Variants in PCDHGA6 observed in about 807,000 individuals in gnomAD.
PCDHGA6 encodes the protein protocadherin gamma subfamily A, 6.
In PCDHGA6, 41 loss-of-function variants were observed where a neutral mutation model predicts 60.6. The observed-to-expected ratio is 0.68, with a 90% CI of 0.53 to 0.88. PCDHGA6 has a LOEUF of 0.88. PCDHGA6 is among the 40% of genes least tolerant of loss of function. The pLI is 0.00. For missense variants in PCDHGA6, 1,312 were observed against 1,203.0 expected (o/e 1.09, Z -1.34); for synonymous variants, 594 against 524.4 (o/e 1.13, Z -1.81).
intron 1 of PCDHGA6, chr5:141,394,762 G>A: frequency 6.2e-7 from 1 of 1,613,396 alleles, no homozygotes; most frequent in Non-Finnish European, 8.5e-7. Flanking sequence ...CAGGACCATG[G>A]CCAGCCCCCT....
At position 141,430,761 on chromosome 5, in the gene PCDHGA6, T is replaced by C. The variant is rs769012885; in HGVS notation, c.2424+54254T>C. The C allele has an allele frequency of 2.0e-6, 3 of 1,506,132 alleles. No individual in the cohort carries two copies. The African/African-American group carries it at 4.2e-5, about 21-fold the overall frequency. The allele number at this position is 1,506,132 out of a possible 1,614,324, so 93.3% of individuals were successfully genotyped here. ...AAATAATTCTGGAGGAAGATAAGAATGATTCCTGCGCGACTGCACCGGGAC... is the reference window on the plus strand; with the variant it reads ...AAATAATTCTGGAGGAAGATAAGAACGATTCCTGCGCGACTGCACCGGGAC... On this transcript the variant is annotated intron_variant, in intron 1 of 3. Coordinates refer to ENST00000517434, the MANE Select transcript of PCDHGA6 (RefSeq NM_018919.3).
chr5:141,443,827 G>A (rs1425599112), intron 1 of PCDHGA6, among the ~76,000 whole-genome samples: 1 of 152,054 alleles, frequency 6.6e-6, no homozygotes, highest in African/African-American at 2.4e-5. Context: ...ACATAATTAG[G>A]TAAAATGGGT....
chr5:141,421,487 C>G (rs1447180364), intron 1 of PCDHGA6: 2 of 1,614,094 alleles, frequency 1.2e-6, no homozygotes, highest in Non-Finnish European at 1.7e-6. Context: ...AGCTTGATCA[C>G]GGCAGGCAGG....
At chr5:141,507,349 A>G (rs537480798) in intron 3 of PCDHGA6, 1 of 152,236 alleles carries the variant, frequency 6.6e-6, no homozygotes, top group African/African-American at 2.4e-5. Flanking sequence ...CTGAAATTCA[A>G]ATTTAACTGG....
chr5:141,388,541 T>C, intron 1 of PCDHGA6: 1 of 1,613,800 alleles, frequency 6.2e-7, no homozygotes, highest in Non-Finnish European at 8.5e-7. Flanking sequence ...ACTTTGGAGC[T>C]CCACCCCTAA....
intron 1 of PCDHGA6, among the ~76,000 whole-genome samples, chr5:141,407,131 T>C (rs1164616354): frequency 6.6e-6 from 1 of 152,226 alleles, no homozygotes; most frequent in African/African-American, 2.4e-5. Context: ...TGCTTTATTT[T>C]TAAGAAAAAA....
In PCDHGA6 at chr5:141,489,734, A is replaced by G; in HGVS notation, c.2425-5073A>G. The G allele has an allele frequency of 6.2e-7, 1 of 1,614,164 alleles. No individual in the cohort carries two copies. Among genetic ancestry groups the G allele is most frequent in the Non-Finnish European group, 8.5e-7 (1 of 1,180,028 alleles). On this transcript the variant is annotated intron_variant, in intron 1 of 3. Transcript: ENST00000517434. This position sits in a 1 kb window ranked among gnomAD's most constrained non-coding sequence, Gnocchi z 4.5. ...GCCCAGGATCCGGATGTGGGCACCAATACTGTGAGCTTTTACACTCTAAGC... is the reference window on the plus strand; with the variant it reads ...GCCCAGGATCCGGATGTGGGCACCAGTACTGTGAGCTTTTACACTCTAAGC...
chr5:141,462,462 T>G (rs570804965), intron 1 of PCDHGA6, among the ~76,000 whole-genome samples: 1 of 152,346 alleles, frequency 6.6e-6, no homozygotes, highest in Middle Eastern at 3.4e-3. Flanking sequence ...CTGAAAACTG[T>G]GTATTCTGCT....
At chr5:141,488,069 C>T (rs1197698273) in intron 1 of PCDHGA6, among the ~76,000 whole-genome samples, 1 of 152,072 alleles carries the variant, frequency 6.6e-6, no homozygotes, top group Non-Finnish European at 1.5e-5. Context: ...ATCTTTGTCT[C>T]CCAGTATCTA....
chr5:141,419,350 G>T lies in PCDHGA6; in HGVS notation c.2424+42843G>T, dbSNP rs202038869. 1.1e-4 allele frequency: 173 copies of T among 1,613,730 alleles called. 2 individuals are homozygous for T. The highest frequency in any genetic ancestry group is 2.3e-4 in the Admixed American group (14 of 60,012). ...ACTCTCTCATTGCCAGCGACCTGGA[G>T]TCACGAACGCTGTCGTCCTACGTGT... On this transcript the variant is annotated intron_variant, in intron 1 of 3. Transcript: ENST00000517434.
Position 141,432,028 on chromosome 5 carries a change from C to T in PCDHGA6, c.2424+55521C>T, listed in dbSNP as rs776543767. ...TTCCTAGCTACAACATCACAGTGAC[C>T]GCCACTGACCGGGGAACCCCGCCCC... On this transcript the variant is annotated intron_variant, in intron 1 of 3. Coordinates refer to ENST00000517434, the MANE Select transcript of PCDHGA6 (RefSeq NM_018919.3). The surrounding 1 kb of genome is among the most constrained non-coding windows in gnomAD (Gnocchi z 6.0). The T allele has an allele frequency of 1.1e-5, 18 of 1,614,050 alleles. No individual in the cohort carries two copies. The highest frequency in any genetic ancestry group is 9.9e-5 in the South Asian group (9 of 91,090).
At chr5:141,484,300 C>G (rs927710366) in intron 1 of PCDHGA6, among the ~76,000 whole-genome samples, 1 of 152,190 alleles carries the variant, frequency 6.6e-6, no homozygotes, top group Non-Finnish European at 1.5e-5. Context: ...CTCCTGGCTT[C>G]CTCCACCCCG....
intron 1 of PCDHGA6, chr5:141,377,280 A>G (rs1773849718): frequency 6.6e-6 from 1 of 151,152 alleles, no homozygotes; most frequent in Non-Finnish European, 1.5e-5. Context: ...GGGAAAAAAA[A>G]TAACCTTAAT....
Position 141,420,413 on chromosome 5 carries a change from A to G in PCDHGA6, c.2424+43906A>G, listed in dbSNP as rs191893876. 4 of 1,222,394 alleles carry G rather than the reference A, an allele frequency of 3.3e-6. No individual in the cohort carries two copies. In the Admixed American group the frequency reaches 1.1e-4, roughly 33 times the overall value. 75.7% of individuals were successfully genotyped at this position (1,222,394 alleles called of 1,614,324 possible). A position where few individuals can be genotyped will look rare whatever the true frequency, so the allele number is the denominator to read the frequency against. ...ATAGGTCAAATTTATGGTTATCATT[A>G]TTAAAACAAAAGTTTAAATTAAATG... On this transcript the variant is annotated intron_variant, in intron 1 of 3. Transcript: ENST00000517434.
chr5:141,485,247 G>T lies in PCDHGA6; in HGVS notation c.2425-9560G>T. On this transcript the variant is annotated intron_variant, in intron 1 of 3. Coordinates refer to ENST00000517434, the MANE Select transcript of PCDHGA6 (RefSeq NM_018919.3). The surrounding 1 kb of genome is among the most constrained non-coding windows in gnomAD (Gnocchi z 5.7). ...CTTTTGTTCCTCTTTTACCACCTGG[G>T]TTACGTTTGTGGGCAGATCCGCTAC... The T allele has an allele frequency of 2.5e-6, 4 of 1,614,156 alleles. No individual in the cohort carries two copies. The highest frequency in any genetic ancestry group is 3.4e-6 in the Non-Finnish European group (4 of 1,180,010).
chr5:141,455,936 C>T (rs1194722770), intron 1 of PCDHGA6, among the ~76,000 whole-genome samples: 3 of 151,422 alleles, frequency 2.0e-5, no homozygotes, highest in East Asian at 3.9e-4. Flanking sequence ...CTCGCTCTGT[C>T]GCCCAGGCTG....
Position 141,490,800 on chromosome 5 carries a change from TACCTTTG to T in PCDHGA6, c.2425-4004_2425-3998del, listed in dbSNP as rs763340907. Reference sequence around the variant, plus strand: ...AGGATGGACGGATCTTTGCCCAGCGTACCTTTGACTATGAATTGCTGCAGATGCTGCA... The same window carrying T: ...AGGATGGACGGATCTTTGCCCAGCGTACTATGAATTGCTGCAGATGCTGCA... On this transcript the variant is annotated intron_variant, in intron 1 of 3. Transcript: ENST00000517434. The surrounding 1 kb of genome is among the most constrained non-coding windows in gnomAD (Gnocchi z 5.4). 2.5e-6 allele frequency: 4 copies of T among 1,613,968 alleles called. No homozygotes were observed. The highest frequency in any genetic ancestry group is 1.7e-6 in the Non-Finnish European group (2 of 1,179,894).
chr5:141,456,703 G>A (rs528071544), intron 1 of PCDHGA6, among the ~76,000 whole-genome samples: 37 of 152,180 alleles, frequency 2.4e-4, no homozygotes, highest in Non-Finnish European at 4.9e-4. Context: ...GGTGGCTCGC[G>A]CCTGTAATCC....
At chr5:141,393,740 TGAA>T in intron 1 of PCDHGA6, 1 of 1,613,888 alleles carries the variant, frequency 6.2e-7, no homozygotes, top group Non-Finnish European at 8.5e-7. Context: ...GTCTAGATTA[TGAA>T]GAATGTTCAT....
Sources: gnomAD v4.1 joint callset for allele counts (sites outside exome capture counted in the v4.1 genomes callset) on GRCh38, gnomAD v4.1.1 for gene constraint, Gnocchi (gnomAD v3.1) non-coding constraint, MANE v1.5 for transcripts, NCBI Gene and HGNC (gene_info 2026-07-23, HGNC 2026-07-21) for gene names.